RNF122: variants seen among roughly 807,000 people sequenced by gnomAD.
The protein encoded by RNF122 is ring finger protein 122.
Under a neutral mutation model 24.2 loss-of-function variants are expected in RNF122, and 17 were observed. The observed-to-expected ratio is 0.70, with a 90% confidence interval of 0.48 to 1.06. RNF122 has a LOEUF of 1.06. Ranked by LOEUF, RNF122 falls within the 50% of genes least tolerant of loss-of-function variation. The probability of loss-of-function intolerance (pLI) is 0.00; values close to 1 mark genes in which losing one functional copy is unlikely to be tolerated. For synonymous variants in RNF122, 65 were observed against 71.8 expected, an observed-to-expected ratio of 0.91 and a Z score of 0.48; for missense variants, 168 against 198.1, an observed-to-expected ratio of 0.85 and a Z score of 0.91.
At chr8:33,549,333 C>T (rs535359746) in intron 5 of RNF122, 77 bp downstream of exon 5, 570 of 1,174,842 alleles carry the variant, frequency 4.9e-4, no homozygotes, top group Admixed American at 1.5e-3. Context: ...TAGAAAGTGG[C>T]AGAGACTGGA....
intron 2 of RNF122, among the ~76,000 whole-genome samples, chr8:33,552,519 T>C (rs2128838742): frequency 6.6e-6 from 1 of 152,362 alleles, no homozygotes; most frequent in South Asian, 2.1e-4. Context: ...GTTGGTGTGA[T>C]GACAGAGTCC....
chr8:33,561,882 T>C (rs1223604523), intron 1 of RNF122, among the ~76,000 whole-genome samples: 1 of 151,852 alleles, frequency 6.6e-6, no homozygotes, highest in African/African-American at 2.4e-5. Flanking sequence ...TTTTACAAAC[T>C]CATGACTGGC....
intron 4 of RNF122, among the ~76,000 whole-genome samples, chr8:33,550,005 C>T (rs1388312675): frequency 6.6e-6 from 1 of 151,490 alleles, no homozygotes; most frequent in Non-Finnish European, 1.5e-5. Context: ...GCAATCTTGG[C>T]TCACTGCAAC....
intron 4 of RNF122, 139 bp downstream of exon 4, chr8:33,550,905 G>A: frequency 1.3e-6 from 1 of 773,604 alleles, no homozygotes. Flanking sequence ...GCTGAGATGT[G>A]TCTCCATTAT....
intron 2 of RNF122, among the ~76,000 whole-genome samples, chr8:33,553,173 T>C (rs1810402243): frequency 6.6e-6 from 1 of 151,944 alleles, no homozygotes. Context: ...CTGGGTTATT[T>C]GGAAGGAAAC....
chr8:33,555,993 C>T (rs1355128848), intron 2 of RNF122, among the ~76,000 whole-genome samples: 2 of 151,754 alleles, frequency 1.3e-5, no homozygotes, highest in African/African-American at 4.8e-5. Flanking sequence ...CATGGTGAAA[C>T]CTCATCGCTA....
intron 2 of RNF122, among the ~76,000 whole-genome samples, chr8:33,556,972 T>C (rs1810462179): frequency 6.6e-6 from 1 of 152,212 alleles, no homozygotes; most frequent in East Asian, 1.9e-4. Context: ...GCCTCTCTTG[T>C]AGCTGCCTTC....
At chr8:33,558,842 A>G in intron 1 of RNF122, 71 bp from the exon 2 acceptor site, 1 of 1,281,436 alleles carries the variant, frequency 7.8e-7, no homozygotes, top group South Asian at 1.9e-5. Context: ...CTGTGTCAGC[A>G]GGATAGAAAT....
At chr8:33,554,887 C>A (rs574891148) in intron 2 of RNF122, among the ~76,000 whole-genome samples, 7 of 152,230 alleles carry the variant, frequency 4.6e-5, no homozygotes, top group African/African-American at 1.4e-4. Context: ...AGGGGCTGGC[C>A]TTGGCCGCTG....
intron 2 of RNF122, among the ~76,000 whole-genome samples, chr8:33,557,886 C>A (rs1383145447): frequency 6.6e-6 from 1 of 151,936 alleles, no homozygotes; most frequent in Non-Finnish European, 1.5e-5. Context: ...CTCATGCCTG[C>A]AATCCTAGCA....
At chr8:33,549,362 C>T in intron 5 of RNF122, 48 bp downstream of exon 5, 1 of 1,460,368 alleles carries the variant, frequency 6.8e-7, no homozygotes, top group South Asian at 1.1e-5. Context: ...GAAGATGCTC[C>T]CTGATTATTT....
intron 4 of RNF122, among the ~76,000 whole-genome samples, chr8:33,550,812 C>T (rs1246655152): frequency 6.6e-6 from 1 of 152,080 alleles, no homozygotes; most frequent in East Asian, 1.9e-4. Context: ...TGGGGCACTA[C>T]TTATCTAAAC....
intron 1 of RNF122, among the ~76,000 whole-genome samples, chr8:33,562,636 G>A (rs1053685156): frequency 6.6e-6 from 1 of 151,260 alleles, no homozygotes; most frequent in African/African-American, 2.4e-5. Context: ...TAGAAAGTGA[G>A]GCTCAGGCCA....
At chr8:33,548,912 G>A (rs375980322) in intron 5 of RNF122, 45 bp from the exon 6 acceptor site, 56 of 1,302,412 alleles carry the variant, frequency 4.3e-5, no homozygotes, top group African/African-American at 2.0e-4. Context: ...GACAGACCAC[G>A]CTGCTCCAGT....
chr8:33,547,882 C>T lies in RNF122; in HGVS notation c.*871G>A, dbSNP rs954769080. The stretch of plus-strand genomic sequence containing the variant: ...ATTCTGGAGATTTCGTATCTAAAGC[C>T]TGAGAGGCGAGGATGAAGTATAAAA... On this transcript the variant is annotated 3_prime_UTR_variant, in exon 6 of 6. Coordinates refer to ENST00000256257, the MANE Select transcript of RNF122 (RefSeq NM_024787.3). The T allele has an allele frequency of 1.6e-4, 24 of 148,582 alleles. No individual in the cohort carries two copies. The highest frequency in any genetic ancestry group is 1.5e-5 in the Non-Finnish European group (1 of 67,646). The allele number at this position is 148,582 out of a possible 1,614,324, so 9.2% of individuals were successfully genotyped here. A position where few individuals can be genotyped will look rare whatever the true frequency, so the allele number is the denominator to read the frequency against.
At position 33,548,069 on chromosome 8, in the gene RNF122, A is replaced by G. The variant is rs1046721678; in HGVS notation, c.*684T>C. ...CCTCTAGAGGGGCCCACAAACCTCAACATGGAATAGGAAGCTCCGAGATTA... is the reference window on the plus strand; with the variant it reads ...CCTCTAGAGGGGCCCACAAACCTCAGCATGGAATAGGAAGCTCCGAGATTA... On this transcript the variant is annotated 3_prime_UTR_variant, in exon 6 of 6. Transcript: ENST00000256257. The G allele has an allele frequency of 6.6e-6, 1 of 152,006 alleles. No homozygotes were observed. The highest frequency in any genetic ancestry group is 1.9e-4 in the East Asian group (1 of 5,148). The allele number at this position is 152,006 out of a possible 1,614,324, so 9.4% of individuals were successfully genotyped here. A position where few individuals can be genotyped will look rare whatever the true frequency, so the allele number is the denominator to read the frequency against.
At chr8:33,550,107 A>AT (rs1810350042) in intron 4 of RNF122, among the ~76,000 whole-genome samples, 1 of 151,898 alleles carries the variant, frequency 6.6e-6, no homozygotes, top group African/African-American at 2.4e-5. Context: ...CTAATTTTGT[A>AT]TTTTTTGTAT....
chr8:33,551,090 AAAG>A lies in RNF122; in HGVS notation c.229-8_229-6del, dbSNP rs1163762900. 3 of 1,614,092 alleles carry A rather than the reference AAAG, an allele frequency of 1.9e-6. No homozygotes were observed. The highest frequency in any genetic ancestry group is 3.3e-5 in the Admixed American group (2 of 60,020). On this transcript the variant is annotated splice_polypyrimidine_tract_variant and splice_region_variant and intron_variant, in intron 3 of 5. Transcript: ENST00000256257. ...GGCATCACCTTTAAGCACCACCTGA[AAAG>A]AAAGAGGAGGCATGATGTCCAAAGA...
At chr8:33,558,799 T>C (rs776178874) in intron 1 of RNF122, 28 bp from the exon 2 acceptor site, 3 of 1,522,648 alleles carry the variant, frequency 2.0e-6, no homozygotes, top group Admixed American at 1.9e-5. Context: ...AAAAAATCAT[T>C]AGGGTTGGAA....
Sources: gnomAD v4.1 joint callset for allele counts (sites outside exome capture counted in the v4.1 genomes callset) on GRCh38, gnomAD v4.1.1 for gene constraint, MANE v1.5 for transcripts, NCBI Gene and HGNC (gene_info 2026-07-23, HGNC 2026-07-21) for gene names.